The following ZNF644 variants were observed in gnomAD, a reference collection of about 807,000 sequenced individuals.
ZNF644 encodes the protein zinc finger motif enhancer binding protein 2.
A neutral mutation model predicts 108.0 loss-of-function variants in ZNF644; 20 were observed. That is an observed-to-expected ratio of 0.19 (90% CI 0.13 to 0.27). The LOEUF (loss-of-function observed/expected upper bound fraction) is 0.27, where lower values mean the gene tolerates loss of function less well. ZNF644 is among the 10% of genes least tolerant of loss of function. The probability of loss-of-function intolerance (pLI) is 1.00; values close to 1 mark genes in which losing one functional copy is unlikely to be tolerated. For synonymous variants in ZNF644, 542 were observed against 539.1 expected, an observed-to-expected ratio of 1.01 and a Z score of -0.08; for missense variants, 1,338 against 1,548.9, an observed-to-expected ratio of 0.86 and a Z score of 2.29.
chr1:91,021,152 T>C (rs1337565778), intron 1 of ZNF644: 1 of 152,162 alleles, frequency 6.6e-6, no homozygotes, highest in African/African-American at 2.4e-5. Flanking sequence ...CACACCTGCT[T>C]TCCTCTGGCA....
intron 2 of ZNF644, among the ~76,000 whole-genome samples, chr1:90,965,821 C>T (rs57771375): frequency 0.11 from 17,350 of 152,070 alleles, 1,044 homozygotes; most frequent in South Asian, 0.16. Context: ...ATGATCTCGG[C>T]TCACTGATAC....
Position 90,966,798 on chromosome 1 carries a change from T to C in ZNF644, c.44+15512A>G, listed in dbSNP as rs200845710. On this transcript the variant is annotated intron_variant, in intron 2 of 5. Transcript: ENST00000337393. ...TGGGTAACGGGCCAACTTCATGGAC[T>C]AGTAGGCATTTTGGGAGATGGTCTT... 3.4e-5 allele frequency among the ~76,000 whole-genome samples: 5 copies of C among 148,478 alleles called. No homozygotes were observed. The East Asian group carries it at 7.9e-4, about 23-fold the overall frequency.
chr1:90,937,466 G>A lies in ZNF644; in HGVS notation c.3688+19C>T. The A allele has an allele frequency of 6.2e-7, 1 of 1,613,384 alleles. No individual in the cohort carries two copies. Among genetic ancestry groups the A allele is most frequent in the Non-Finnish European group, 8.5e-7 (1 of 1,179,486 alleles). ...CTGCATTTAAACTGTGTATAGCATA[G>A]TCATAAACGTCCTCTTACCTGAGTG... On this transcript the variant is annotated intron_variant, in intron 4 of 5. Coordinates refer to ENST00000337393, the MANE Select transcript of ZNF644 (RefSeq NM_201269.3).
chr1:90,931,831 ACTT>A (rs1361422419), intron 4 of ZNF644, among the ~76,000 whole-genome samples: 2 of 152,012 alleles, frequency 1.3e-5, no homozygotes, highest in Non-Finnish European at 2.9e-5. Context: ...AAAAAAAAGA[ACTT>A]CTTAAGGCTT....
chr1:90,990,443 T>C (rs1474872689), intron 1 of ZNF644, among the ~76,000 whole-genome samples: 1 of 152,146 alleles, frequency 6.6e-6, no homozygotes, highest in African/African-American at 2.4e-5. Flanking sequence ...ATAGTTTTCA[T>C]ATATTAGACA....
intron 1 of ZNF644, among the ~76,000 whole-genome samples, chr1:91,002,584 A>T (rs946061310): frequency 1.3e-5 from 2 of 152,188 alleles, no homozygotes; most frequent in African/African-American, 2.4e-5. Context: ...CCCTAGAAGA[A>T]AACCTAGGCA....
rs758746777 is a variant in ZNF644, at chr1:90,953,629, A to G, written c.45-12320T>C. On this transcript the variant is annotated intron_variant, in intron 2 of 5. Coordinates refer to ENST00000337393, the MANE Select transcript of ZNF644 (RefSeq NM_201269.3). Reference sequence around the variant, plus strand: ...CAAGGTATATAGCTTAAAGTATTCTATTGTAGCTGGGCCCAGTGGCTCACA... The same window carrying G: ...CAAGGTATATAGCTTAAAGTATTCTGTTGTAGCTGGGCCCAGTGGCTCACA... Among the ~76,000 whole-genome samples, 37 of 152,208 alleles carry G rather than the reference A, an allele frequency of 2.4e-4. 1 individual carries two copies. Among genetic ancestry groups the G allele is most frequent in the Middle Eastern group, 6.8e-3 (2 of 294 alleles).
At chr1:90,937,311 A>G (rs1028444154) in intron 4 of ZNF644, among the ~76,000 whole-genome samples, 174 bp downstream of exon 4, 1 of 152,102 alleles carries the variant, frequency 6.6e-6, no homozygotes, top group African/African-American at 2.4e-5. Flanking sequence ...ATGAGCATCA[A>G]TTGATGAGTT....
chr1:90,929,872 T>C (rs1650521512), intron 4 of ZNF644, among the ~76,000 whole-genome samples: 1 of 152,216 alleles, frequency 6.6e-6, no homozygotes, highest in Non-Finnish European at 1.5e-5. Flanking sequence ...CTTGATTTTT[T>C]AAAAACGTTA....
chr1:91,003,734 T>C lies in ZNF644; in HGVS notation c.-18+18256A>G, dbSNP rs376277641. 2.6e-5 allele frequency among the ~76,000 whole-genome samples: 4 copies of C among 151,962 alleles called. No homozygotes were observed. The East Asian group carries it at 5.8e-4, about 22-fold the overall frequency. On this transcript the variant is annotated intron_variant, in intron 1 of 5. Transcript: ENST00000337393. The stretch of plus-strand genomic sequence containing the variant: ...AAGAAGGAAGTATGGTTCATACACA[T>C]GGAGAGACAAGCAGTTCACAAAACT...
intron 2 of ZNF644, among the ~76,000 whole-genome samples, chr1:90,961,223 G>A (rs936001615): frequency 6.6e-6 from 1 of 152,140 alleles, no homozygotes; most frequent in South Asian, 2.1e-4. Flanking sequence ...GTACAGTATG[G>A]AAGGAAATGA....
At chr1:90,944,020 T>C (rs1652274073) in intron 2 of ZNF644, among the ~76,000 whole-genome samples, 1 of 152,230 alleles carries the variant, frequency 6.6e-6, no homozygotes, top group South Asian at 2.1e-4. Context: ...ATATGCTAAG[T>C]CAATTTGAAA....
chr1:91,014,593 C>T (rs189643847), intron 1 of ZNF644, among the ~76,000 whole-genome samples: 162 of 152,188 alleles, frequency 1.1e-3, no homozygotes, highest in Middle Eastern at 6.8e-3. Flanking sequence ...AGTATTAGTT[C>T]TGATTAAGCC....
intron 4 of ZNF644, among the ~76,000 whole-genome samples, chr1:90,927,407 T>A (rs1168224651): frequency 6.6e-6 from 1 of 152,174 alleles, no homozygotes; most frequent in Non-Finnish European, 1.5e-5. Flanking sequence ...CTTGCTGGAA[T>A]AATAAAACAA....
rs752637477 is a variant in ZNF644, at chr1:91,016,120, GTGTC to G, written c.-18+5866_-18+5869del. On this transcript the variant is annotated intron_variant, in intron 1 of 5. Coordinates refer to ENST00000337393, the MANE Select transcript of ZNF644 (RefSeq NM_201269.3). ...TGCAATTGTGATTCTATGTGTGTGT[GTGTC>G]TGTGTGTAAAGTATTTAGTGAGTCA... Among the ~76,000 whole-genome samples the G allele has an allele frequency of 5.8e-4, 89 of 152,240 alleles. 2 individuals are homozygous for G. Among genetic ancestry groups the G allele is most frequent in the Middle Eastern group, 3.4e-3 (1 of 294 alleles).
At chr1:90,957,762 AAGTC>A (rs1653896147) in intron 2 of ZNF644, among the ~76,000 whole-genome samples, 1 of 152,192 alleles carries the variant, frequency 6.6e-6, no homozygotes, top group Non-Finnish European at 1.5e-5. Flanking sequence ...ACTGTACTAA[AAGTC>A]AGTCAGAGCA....
At chr1:90,950,366 A>C (rs1653016629) in intron 2 of ZNF644, among the ~76,000 whole-genome samples, 1 of 147,078 alleles carries the variant, frequency 6.8e-6, no homozygotes, top group South Asian at 2.2e-4. Flanking sequence ...AATAGTGCTA[A>C]TAATAGTGCT....
chr1:90,998,484 T>G (rs760103216), intron 1 of ZNF644, among the ~76,000 whole-genome samples: 3 of 151,814 alleles, frequency 2.0e-5, no homozygotes, highest in Non-Finnish European at 2.9e-5. Flanking sequence ...CAGCTGAGGG[T>G]CCTCACTGTT....
chr1:90,991,261 T>C (rs1000438568), intron 1 of ZNF644, among the ~76,000 whole-genome samples: 7 of 152,176 alleles, frequency 4.6e-5, no homozygotes, highest in Admixed American at 6.5e-5. Context: ...ATGGCTAAAT[T>C]AGTAAGACCA....
Sources: allele counts gnomAD v4.1 joint callset (sites outside exome capture counted in the v4.1 genomes callset), GRCh38; gene constraint gnomAD v4.1.1; transcripts MANE v1.5; gene names NCBI Gene and HGNC (gene_info 2026-07-23, HGNC 2026-07-21).